Variants in ZFAT observed in about 807,000 individuals in gnomAD.
ZFAT encodes the protein zinc finger protein ZFAT.
ZFAT carries 64 observed loss-of-function variants against 117.7 expected under a neutral mutation model. That is an observed-to-expected ratio of 0.54 (90% confidence interval 0.44 to 0.67). ZFAT has a LOEUF of 0.67. Ranked by LOEUF, ZFAT falls within the 30% of genes least tolerant of loss-of-function variation. The pLI, the probability that ZFAT is intolerant of heterozygous loss-of-function variation, is 0.00. For missense variants in ZFAT, 1,433 were observed against 1,584.5 expected, an observed-to-expected ratio of 0.90 and a Z score of 1.62; for synonymous variants, 679 against 615.0, an observed-to-expected ratio of 1.10 and a Z score of -1.54.
At chr8:134,615,602 C>T (rs936367975) in intron 3 of ZFAT, among the ~76,000 whole-genome samples, 23 of 152,172 alleles carry the variant, frequency 1.5e-4, no homozygotes, top group Admixed American at 9.2e-4. Context: ...CTCCTGCTTC[C>T]TGGGAATACC....
rs1456274605 is a variant in ZFAT at position 134,532,818 on chromosome 8, C to T, written c.3115+16G>A. ...AGGAAGCGGGCAGGGCCCCAGCTCGCTGGCCCCTCGCCTACCTTGCTGGAT... is the reference window on the plus strand; with the variant it reads ...AGGAAGCGGGCAGGGCCCCAGCTCGTTGGCCCCTCGCCTACCTTGCTGGAT... On this transcript the variant is annotated intron_variant, in intron 12 of 15. Transcript: ENST00000377838. 9 of 1,608,312 alleles carry T rather than the reference C, an allele frequency of 5.6e-6. No homozygotes were observed. Among genetic ancestry groups the T allele is most frequent in the Non-Finnish European group, 7.6e-6 (9 of 1,178,244 alleles).
chr8:134,550,325 A>AAAAAAAAAAAAAAAC, intron 11 of ZFAT, among the ~76,000 whole-genome samples: 2 of 150,630 alleles, frequency 1.3e-5, no homozygotes, highest in East Asian at 1.9e-4. Context: ...AAAAAAAAAA[A>AAAAAAAAAAAAAAAC]AAAAAAACAG....
the ZFAT span, among the ~76,000 whole-genome samples, chr8:134,758,460 G>C: frequency 6.6e-6 from 1 of 152,368 alleles, no homozygotes; most frequent in East Asian, 1.9e-4. Flanking sequence ...TCAGCACTAA[G>C]CATCTTGCTT....
At chr8:134,493,801 A>G (rs1818228088) in intron 15 of ZFAT, among the ~76,000 whole-genome samples, 1 of 152,176 alleles carries the variant, frequency 6.6e-6, no homozygotes, top group African/African-American at 2.4e-5. Context: ...TGCTTCACAT[A>G]TCCCCTCCAC....
At chr8:134,647,251 T>A (rs1161536931) in intron 2 of ZFAT, among the ~76,000 whole-genome samples, 1 of 152,184 alleles carries the variant, frequency 6.6e-6, no homozygotes, top group South Asian at 2.1e-4. Context: ...ATAACATTTA[T>A]AGAATTAAGG....
At chr8:134,511,874 A>G (rs1160805955) in intron 14 of ZFAT, among the ~76,000 whole-genome samples, 1 of 152,094 alleles carries the variant, frequency 6.6e-6, no homozygotes, top group Non-Finnish European at 1.5e-5. Context: ...TTGGAGAATG[A>G]GCGATCCTGG....
intron 3 of ZFAT, among the ~76,000 whole-genome samples, chr8:134,614,573 T>C (rs1828585627): frequency 6.6e-6 from 1 of 152,194 alleles, no homozygotes; most frequent in Non-Finnish European, 1.5e-5. Context: ...TTGTGACCTC[T>C]TGGAGGTTGG....
At chr8:134,483,584 C>T (rs1817465092) in intron 15 of ZFAT, among the ~76,000 whole-genome samples, 1 of 152,224 alleles carries the variant, frequency 6.6e-6, no homozygotes, top group Non-Finnish European at 1.5e-5. Flanking sequence ...TAATATGGCG[C>T]TCACAGTGTC....
chr8:134,635,594 T>C (rs1055551067), intron 3 of ZFAT, among the ~76,000 whole-genome samples: 1 of 151,842 alleles, frequency 6.6e-6, no homozygotes, highest in Non-Finnish European at 1.5e-5. Flanking sequence ...TGCATATGTA[T>C]GCATGTGAGA....
At chr8:134,737,726 G>A in the ZFAT span, among the ~76,000 whole-genome samples, 3 of 152,164 alleles carry the variant, frequency 2.0e-5, no homozygotes, top group Non-Finnish European at 2.9e-5. Flanking sequence ...AATCAGGATG[G>A]ACCTGGGAAT....
At chr8:134,755,160 T>C in the ZFAT span, among the ~76,000 whole-genome samples, 1 of 151,680 alleles carries the variant, frequency 6.6e-6, no homozygotes, top group African/African-American at 2.4e-5. Context: ...TCCTAACACT[T>C]TGGGAGGCCG....
upstream of ZFAT, chr8:134,713,177 C>G: frequency 3.6e-6 from 1 of 276,020 alleles, no homozygotes; most frequent in Non-Finnish European, 6.8e-6. Flanking sequence ...TTTTATCCCA[C>G]TTCACGGATT....
intron 8 of ZFAT, among the ~76,000 whole-genome samples, chr8:134,589,024 G>A (rs539213570): frequency 1.3e-5 from 2 of 152,346 alleles, no homozygotes; most frequent in East Asian, 1.9e-4. Flanking sequence ...GTGTGTGGTA[G>A]ATACATGAAA....
chr8:134,559,554 A>G (rs1254715630), intron 11 of ZFAT, among the ~76,000 whole-genome samples: 1 of 152,242 alleles, frequency 6.6e-6, no homozygotes, highest in East Asian at 1.9e-4. Context: ...AAATCTTACA[A>G]GTGGTGAGTC....
chr8:134,571,735 C>A (rs536850844), intron 10 of ZFAT, among the ~76,000 whole-genome samples: 6 of 152,312 alleles, frequency 3.9e-5, no homozygotes, highest in Non-Finnish European at 7.3e-5. Context: ...TTAACTGTCA[C>A]AATACCTGTT....
chr8:134,539,091 C>A (rs1822056660), intron 11 of ZFAT, among the ~76,000 whole-genome samples: 1 of 152,184 alleles, frequency 6.6e-6, no homozygotes, highest in Non-Finnish European at 1.5e-5. Flanking sequence ...GAATATATCT[C>A]ACCCGTGAAA....
At chr8:134,627,254 CA>C (rs1279122542) in intron 3 of ZFAT, among the ~76,000 whole-genome samples, 1 of 152,124 alleles carries the variant, frequency 6.6e-6, no homozygotes. Flanking sequence ...AAGACTGTTG[CA>C]AAACTGTCTG....
chr8:134,597,246 A>T lies in ZFAT; in HGVS notation c.2475+3190T>A, dbSNP rs532969675. On this transcript the variant is annotated intron_variant, in intron 7 of 15. Transcript: ENST00000377838. ...TTGGTACCCTTGGCTTCATTACAAA[A>T]ATAATTTGCAGGCTCAAAAGACAAA... 4.6e-5 allele frequency among the ~76,000 whole-genome samples: 7 copies of T among 152,300 alleles called. No homozygotes were observed. The East Asian group carries it at 1.3e-3, about 29-fold the overall frequency.
At chr8:134,820,120 A>G in the ZFAT span, among the ~76,000 whole-genome samples, 2 of 152,256 alleles carry the variant, frequency 1.3e-5, no homozygotes, top group Non-Finnish European at 2.9e-5. Flanking sequence ...ACAATTCTGT[A>G]GAAGTTCATC....
Sources: allele counts gnomAD v4.1 joint callset (sites outside exome capture counted in the v4.1 genomes callset), GRCh38; gene constraint gnomAD v4.1.1; transcripts MANE v1.5; gene names NCBI Gene and HGNC (gene_info 2026-07-23, HGNC 2026-07-21).